Variants in NT5M observed in about 807,000 individuals in gnomAD.
The protein encoded by NT5M is 5'(3')-deoxyribonucleotidase, mitochondrial.
A neutral mutation model predicts 22.2 loss-of-function variants in NT5M; 22 were observed. The observed-to-expected ratio is 0.99, with a 90% CI of 0.71 to 1.41. The LOEUF (loss-of-function observed/expected upper bound fraction) is 1.41. NT5M is among the 40% of genes most tolerant of loss of function. The pLI is 0.00. For missense variants in NT5M, 322 were observed against 314.8 expected, an observed-to-expected ratio of 1.02 and a Z score of -0.17; for synonymous variants, 167 against 133.0, an observed-to-expected ratio of 1.26 and a Z score of -1.76.
chr17:17,328,857 C>G (rs2049315479), intron 3 of NT5M, among the ~76,000 whole-genome samples: 1 of 152,216 alleles, frequency 6.6e-6, no homozygotes, highest in Non-Finnish European at 1.5e-5. Flanking sequence ...TCCCAACATT[C>G]TAAACCCAGA....
intron 3 of NT5M, among the ~76,000 whole-genome samples, chr17:17,334,265 C>T (rs570747516): frequency 1.3e-5 from 2 of 151,658 alleles, no homozygotes; most frequent in African/African-American, 4.8e-5. Flanking sequence ...CCATGCCTGG[C>T]TCGTTTTGAG....
intron 2 of NT5M, among the ~76,000 whole-genome samples, chr17:17,315,115 A>G (rs948001880): frequency 2.6e-4 from 40 of 151,582 alleles, no homozygotes; most frequent in African/African-American, 9.7e-4. Flanking sequence ...ATAATCCCAC[A>G]GTAATTGTTG....
intron 3 of NT5M, 74 bp downstream of exon 3, chr17:17,323,319 T>C: frequency 4.7e-6 from 6 of 1,269,118 alleles, no homozygotes; most frequent in Non-Finnish European, 6.9e-6. Flanking sequence ...TCAGCCTGCC[T>C]GTGGAAAGGG....
chr17:17,324,510 A>C (rs1421605415), intron 3 of NT5M, among the ~76,000 whole-genome samples: 1 of 150,652 alleles, frequency 6.6e-6, no homozygotes, highest in Non-Finnish European at 1.5e-5. Flanking sequence ...TTAAAAAAAA[A>C]AAAAGAAATT....
intron 3 of NT5M, among the ~76,000 whole-genome samples, chr17:17,329,169 G>A (rs1227229832): frequency 3.9e-5 from 6 of 152,184 alleles, no homozygotes; most frequent in South Asian, 4.1e-4. Flanking sequence ...TAGTAGAGAC[G>A]GGGTTTCACT....
intron 3 of NT5M, among the ~76,000 whole-genome samples, chr17:17,340,739 C>A (rs901553906): frequency 9.9e-5 from 15 of 151,994 alleles, no homozygotes; most frequent in South Asian, 2.1e-4. Flanking sequence ...GTTGGCCAGG[C>A]TGGTCTTGAT....
chr17:17,347,118 C>T lies in NT5M; in HGVS notation c.*171C>T, dbSNP rs1472134175. On this transcript the variant is annotated 3_prime_UTR_variant, in exon 5 of 5. Coordinates refer to ENST00000389022, the MANE Select transcript of NT5M (RefSeq NM_020201.4). ...GCCCTGCCAGGCCTTAACCTGATCA[C>T]GGGGCAGGGCTGGGCCCTCTGGGCG... 13 of 868,150 alleles carry T rather than the reference C, an allele frequency of 1.5e-5. No homozygotes were observed. Among genetic ancestry groups the T allele is most frequent in the South Asian group, 1.3e-4 (7 of 55,848 alleles). The allele number at this position is 868,150 out of a possible 1,614,324, so 53.8% of individuals were successfully genotyped here.
chr17:17,345,634 CAAAAAA>C (rs34513135), intron 4 of NT5M, among the ~76,000 whole-genome samples: 1 of 98,622 alleles, frequency 1.0e-5, no homozygotes, highest in African/African-American at 4.5e-5. Context: ...CCTGTCTCTA[CAAAAAA>C]AAAAAAAAAA....
intron 4 of NT5M, chr17:17,345,231 C>A: frequency 8.9e-7 from 1 of 1,126,330 alleles, no homozygotes; most frequent in Non-Finnish European, 1.1e-6. Context: ...TTTTTAGCAA[C>A]AAAACCCATT....
rs1597751805 is a variant in NT5M, at chr17:17,313,509, GTA to G, written c.368+6868_368+6869del. Reference sequence around the variant, plus strand: ...CGTCAGTAACTGAGTGGATAACTGTGTATCTGGTGCTGAAGTGGGCACTGAGT... The same window carrying G: ...CGTCAGTAACTGAGTGGATAACTGTGTCTGGTGCTGAAGTGGGCACTGAGT... On this transcript the variant is annotated intron_variant, in intron 2 of 4. Coordinates refer to ENST00000389022, the MANE Select transcript of NT5M (RefSeq NM_020201.4). Among the ~76,000 whole-genome samples the G allele has an allele frequency of 3.9e-5, 6 of 152,322 alleles. No individual in the cohort carries two copies. The South Asian group carries it at 1.0e-3, about 26-fold the overall frequency.
rs555324337 is a variant in NT5M at position 17,303,779 on chromosome 17, G to A, written c.229G>A (p.Val77Met). Residue 77 changes from valine (V) to methionine (M), a missense_variant, in exon 1 of 5, where the codon GTG (valine) becomes ATG (methionine). By Grantham distance (21) the Val-to-Met change is conservative. Transcript: ENST00000389022. ...IALEDRRGFW[V>M]SEQYGRLRPG... The stretch of plus-strand genomic sequence containing the variant: ...GCTGGAGGACCGGCGCGGCTTCTGG[G>A]TGTCGGAGCAGTACGGCCGCCTGCG... The A allele has an allele frequency of 6.3e-7, 1 of 1,576,072 alleles. No homozygotes were observed. Among genetic ancestry groups the A allele is most frequent in the Non-Finnish European group, 8.6e-7 (1 of 1,162,428 alleles).
intron 3 of NT5M, among the ~76,000 whole-genome samples, chr17:17,337,082 A>G (rs2049530109): frequency 6.6e-6 from 1 of 151,668 alleles, no homozygotes; most frequent in African/African-American, 2.4e-5. Flanking sequence ...CAAGGGTTTT[A>G]TTTTCTTCTT....
chr17:17,326,546 C>T (rs920294626), intron 3 of NT5M, among the ~76,000 whole-genome samples: 2 of 152,210 alleles, frequency 1.3e-5, no homozygotes, highest in Admixed American at 6.5e-5. Context: ...GGCCTGAGGC[C>T]GTAGGGGCAG....
At position 17,303,422 on chromosome 17, in the gene NT5M, T is replaced by C; in HGVS notation, c.-129T>C. ...CCGCACCCCGCGCTCCCCGCCCCGC[T>C]CCCCGTCCCGCGCTCCACGCGCGCC... is the stretch of plus-strand genomic sequence containing the variant. On this transcript the variant is annotated 5_prime_UTR_variant, in exon 1 of 5. Transcript: ENST00000389022. The C allele has an allele frequency of 1.0e-6, 1 of 976,286 alleles. No homozygotes were observed. Among genetic ancestry groups the C allele is most frequent in the Non-Finnish European group, 1.2e-6 (1 of 819,772 alleles). 60.5% of individuals were successfully genotyped at this position (976,286 alleles called of 1,614,324 possible). A position where few individuals can be genotyped will look rare whatever the true frequency, so the allele number is the denominator to read the frequency against.
chr17:17,347,046 A>G lies in NT5M; in HGVS notation c.*99A>G, dbSNP rs1452291519. On this transcript the variant is annotated 3_prime_UTR_variant, in exon 5 of 5. Transcript: ENST00000389022. ...ATGCTGGTCTGGGAGTCCCTCCTAG[A>G]CTCCTGGGCCCCATGACCTCCTGCT... 3 of 1,442,790 alleles carry G rather than the reference A, an allele frequency of 2.1e-6. No homozygotes were observed. The highest frequency in any genetic ancestry group is 2.8e-6 in the Non-Finnish European group (3 of 1,076,864). The allele number at this position is 1,442,790 out of a possible 1,614,324, so 89.4% of individuals were successfully genotyped here. A position where few individuals can be genotyped will look rare whatever the true frequency, so the allele number is the denominator to read the frequency against.
chr17:17,331,091 A>G (rs1034736024), intron 3 of NT5M, among the ~76,000 whole-genome samples: 3 of 151,532 alleles, frequency 2.0e-5, no homozygotes, highest in African/African-American at 7.3e-5. Context: ...TACGTTTTCC[A>G]GTTACTCCCT....
chr17:17,323,191 C>T lies in NT5M; in HGVS notation c.375C>T (p.Asp125=), dbSNP rs190487721. ...VKEMASLQNT[D]VFICTSPIKM... is the part of the protein sequence containing the mutation. ...TCCTTTCTCTTGTTGACAGCACTGA[C>T]GTCTTCATCTGCACAAGCCCCATCA... The change falls in exon 3 of 5, where the codon GAC becomes GAT. Residue 125 remains aspartate (D), a synonymous_variant. Transcript: ENST00000389022. 47 of 1,613,994 alleles carry T rather than the reference C, an allele frequency of 2.9e-5. No homozygotes were observed. The Admixed American group carries it at 5.8e-4, about 20-fold the overall frequency.
intron 1 of NT5M, among the ~76,000 whole-genome samples, chr17:17,305,394 G>GCCCCCCCCCCCC (rs34579357): frequency 8.8e-4 from 65 of 74,098 alleles, no homozygotes; most frequent in Non-Finnish European, 1.2e-3. Flanking sequence ...TAAAACAACC[G>GCCCCCCCCCCCC]CCCCCCCCCC....
At chr17:17,311,878 T>G (rs571186848) in intron 2 of NT5M, among the ~76,000 whole-genome samples, 5 of 152,338 alleles carry the variant, frequency 3.3e-5, no homozygotes, top group African/African-American at 1.2e-4. Context: ...AGGCAAAGAA[T>G]ATGTGTACAG....
Sources: gnomAD v4.1 joint callset for allele counts (sites outside exome capture counted in the v4.1 genomes callset) on GRCh38, gnomAD v4.1.1 for gene constraint, MANE v1.5 for transcripts, NCBI Gene and HGNC (gene_info 2026-07-23, HGNC 2026-07-21) for gene names.